LOC128125822: variants seen among roughly 807,000 people sequenced by gnomAD.
the LOC128125822 span, chr6:63,576,871 C>A: frequency 6.2e-7 from 1 of 1,603,472 alleles, no homozygotes; most frequent in Non-Finnish European, 8.5e-7. Flanking sequence ...TGTTTTTTAA[C>A]TAAATTAACA....
At chr6:63,578,554 G>A in the LOC128125822 span, 2 of 1,600,904 alleles carry the variant, frequency 1.2e-6, no homozygotes, top group South Asian at 2.3e-5. Flanking sequence ...GTTCTTATGG[G>A]TTTATGGTGC....
the LOC128125822 span, chr6:63,583,297 C>A: frequency 6.6e-6 from 1 of 152,158 alleles, no homozygotes; most frequent in Non-Finnish European, 1.5e-5. Context: ...ATTCTACATT[C>A]TTGCTTCCTT....
chr6:63,575,347 C>G, the LOC128125822 span, among the ~76,000 whole-genome samples: 2 of 152,232 alleles, frequency 1.3e-5, no homozygotes, highest in Middle Eastern at 6.8e-3. Flanking sequence ...CCTCTTTACT[C>G]CCGAGTACAC....
chr6:63,575,504 A>T, the LOC128125822 span, among the ~76,000 whole-genome samples: 1 of 152,332 alleles, frequency 6.6e-6, no homozygotes, highest in East Asian at 1.9e-4. Flanking sequence ...ACTTAGAGAA[A>T]ATATAAATAC....
At chr6:63,575,539 G>A in the LOC128125822 span, among the ~76,000 whole-genome samples, 2 of 152,040 alleles carry the variant, frequency 1.3e-5, no homozygotes, top group Non-Finnish European at 2.9e-5. Flanking sequence ...ATATTTATTG[G>A]TTACAGTAGT....
chr6:63,582,010 C>T, the LOC128125822 span: 3 of 152,076 alleles, frequency 2.0e-5, no homozygotes, highest in Non-Finnish European at 4.4e-5. Flanking sequence ...TGATACTCCA[C>T]CTTGTGTTTC....
chr6:63,583,132 CTATT>C, the LOC128125822 span: 5 of 152,074 alleles, frequency 3.3e-5, no homozygotes, highest in Admixed American at 3.3e-4. Flanking sequence ...AGAATGCTTT[CTATT>C]GGAGTTTCAG....
At chr6:63,572,604 T>C in the LOC128125822 span, 1 of 418,504 alleles carries the variant, frequency 2.4e-6, no homozygotes, top group Non-Finnish European at 4.1e-6. Flanking sequence ...CCACCGCCGC[T>C]CCGCCACGAC....
chr6:63,579,196 A>T, the LOC128125822 span: 1 of 1,518,422 alleles, frequency 6.6e-7, no homozygotes, highest in Non-Finnish European at 9.0e-7. Context: ...ATGTTTGGAG[A>T]AATAAATTTA....
the LOC128125822 span, chr6:63,573,730 T>C: frequency 3.9e-5 from 6 of 152,360 alleles, no homozygotes; most frequent in Non-Finnish European, 7.3e-5. Flanking sequence ...TCTAGTCTTG[T>C]CCTTTCTCTG....
the LOC128125822 span, chr6:63,580,231 T>C: frequency 1.4e-5 from 18 of 1,329,252 alleles, no homozygotes; most frequent in Middle Eastern, 5.0e-4. Context: ...TAATTTGTTA[T>C]ACATATTAGC....
chr6:63,583,087 C>T, the LOC128125822 span: 3 of 152,084 alleles, frequency 2.0e-5, no homozygotes, highest in Non-Finnish European at 4.4e-5. Context: ...ATTTTGGTCA[C>T]CAATGAGTAC....
At chr6:63,580,003 TA>T in the LOC128125822 span, 1 of 1,326,570 alleles carries the variant, frequency 7.5e-7, no homozygotes, top group Non-Finnish European at 1.1e-6. Flanking sequence ...AGACACTAAA[TA>T]TTACTGTAGG....
chr6:63,579,430 AT>A, the LOC128125822 span: 1 of 830,762 alleles, frequency 1.2e-6, no homozygotes, highest in Non-Finnish European at 1.8e-6. Context: ...CATTATGATT[AT>A]TTTTTGAGAT....
the LOC128125822 span, among the ~76,000 whole-genome samples, chr6:63,578,063 CT>C: frequency 6.6e-6 from 1 of 151,894 alleles, no homozygotes; most frequent in Admixed American, 6.6e-5. Flanking sequence ...TAAATAATGC[CT>C]TTAGTTACAT....
chr6:63,580,277 A>G, the LOC128125822 span: 11 of 957,110 alleles, frequency 1.1e-5, no homozygotes, highest in Admixed American at 2.0e-5. Flanking sequence ...TGAAGCTTCC[A>G]TAGGAGTATT....
At chr6:63,577,377 A>C in the LOC128125822 span, among the ~76,000 whole-genome samples, 1 of 152,168 alleles carries the variant, frequency 6.6e-6, no homozygotes, top group Non-Finnish European at 1.5e-5. Context: ...CCAATTTTCA[A>C]CTACAAATTC....
At chr6:63,580,558 T>C in the LOC128125822 span, 1 of 165,448 alleles carries the variant, frequency 6.0e-6, no homozygotes, top group Non-Finnish European at 1.3e-5. Context: ...ATATTTTTAG[T>C]ACCATACAGA....
At chr6:63,572,884 C>T in the LOC128125822 span, among the ~76,000 whole-genome samples, 4 of 152,104 alleles carry the variant, frequency 2.6e-5, no homozygotes, top group Non-Finnish European at 5.9e-5. Context: ...CTGTGGCCGG[C>T]CGATTGCGGC....
Sources: gnomAD v4.1 joint callset for allele counts (sites outside exome capture counted in the v4.1 genomes callset) on GRCh38, gnomAD v4.1.1 for gene constraint, MANE v1.5 for transcripts.